The following CWC27 variants were observed in gnomAD, a reference collection of about 807,000 sequenced individuals.
The protein encoded by CWC27 is spliceosome-associated protein CWC27 homolog.
Under a neutral mutation model 63.6 loss-of-function variants are expected in CWC27, and 47 were observed. The ratio of observed to expected loss-of-function variants is 0.74; its 90% CI spans 0.58 to 0.94. The LOEUF is 0.94. Among genes scored for constraint, CWC27 ranks in the 40% least tolerant of loss-of-function variants. The pLI is 0.00. For synonymous variants in CWC27, 175 were observed against 179.8 expected (o/e 0.97, Z 0.22); for missense variants, 495 against 554.3 (o/e 0.89, Z 1.07).
chr5:64,784,100 AT>A, intron 4 of CWC27, 121 bp downstream of exon 4: 7 of 857,292 alleles, frequency 8.2e-6, no homozygotes, highest in Non-Finnish European at 1.2e-5. Context: ...ATTCCATAGG[AT>A]ATGTTTATTA....
chr5:65,017,724 T>C (rs984439204), intron 13 of CWC27, among the ~76,000 whole-genome samples: 1 of 152,208 alleles, frequency 6.6e-6, no homozygotes, highest in Admixed American at 6.5e-5. Flanking sequence ...TCTTGACCCA[T>C]GTAACTGTTG....
At chr5:64,799,768 T>C (rs1744422708) in intron 7 of CWC27, among the ~76,000 whole-genome samples, 2 of 152,020 alleles carry the variant, frequency 1.3e-5, no homozygotes, top group African/African-American at 4.8e-5. Flanking sequence ...GAGGCTCTTC[T>C]ATATCTTTTT....
At chr5:64,837,830 A>G (rs1745696381) in intron 10 of CWC27, among the ~76,000 whole-genome samples, 1 of 152,144 alleles carries the variant, frequency 6.6e-6, no homozygotes, top group Admixed American at 6.6e-5. Flanking sequence ...CTTTACTTTC[A>G]AAGTATTTTT....
intron 7 of CWC27, among the ~76,000 whole-genome samples, chr5:64,790,835 ATAT>A (rs1323031306): frequency 6.6e-6 from 1 of 152,182 alleles, no homozygotes; most frequent in Non-Finnish European, 1.5e-5. Context: ...TGCAATATAG[ATAT>A]TATTTTTCTT....
intron 10 of CWC27, among the ~76,000 whole-genome samples, chr5:64,880,201 T>C (rs1437417998): frequency 6.6e-6 from 1 of 152,008 alleles, no homozygotes; most frequent in African/African-American, 2.4e-5. Flanking sequence ...CTGCTTTTTA[T>C]TATGTACTGT....
In CWC27 at chr5:64,779,606, C is replaced by T. The variant is rs115350468; in HGVS notation, c.140-2315C>T. On this transcript the variant is annotated intron_variant, in intron 2 of 13. Coordinates refer to ENST00000381070, the MANE Select transcript of CWC27 (RefSeq NM_005869.4). Reference sequence around the variant, plus strand: ...TAGTATATTCACTATAATGTGCAGCCGGCACCTCTATGTAGTTCTAAAACA... The same window carrying T: ...TAGTATATTCACTATAATGTGCAGCTGGCACCTCTATGTAGTTCTAAAACA... Among the ~76,000 whole-genome samples the T allele has an allele frequency of 3.8e-3, 577 of 152,180 alleles. 3 individuals are homozygous for T. The highest frequency in any genetic ancestry group is 0.013 in the African/African-American group (547 of 41,526).
At chr5:64,853,894 CATT>C (rs1389951772) in intron 10 of CWC27, among the ~76,000 whole-genome samples, 1 of 152,216 alleles carries the variant, frequency 6.6e-6, no homozygotes, top group East Asian at 1.9e-4. Context: ...GGTATATTCA[CATT>C]GTTGTGCAAC....
chr5:64,979,538 T>A (rs1398180702), intron 13 of CWC27, among the ~76,000 whole-genome samples: 1 of 152,200 alleles, frequency 6.6e-6, no homozygotes, highest in Admixed American at 6.5e-5. Flanking sequence ...GTGATTTAGA[T>A]CCTCTCTCAT....
rs1208290476 is a variant in CWC27 at position 64,990,258 on chromosome 5, T to G, written c.1256+13020T>G. Among the ~76,000 whole-genome samples, 2 of 39,366 alleles carry G rather than the reference T, an allele frequency of 5.1e-5. 1 individual carries two copies. The highest frequency in any genetic ancestry group is 1.0e-4 in the Non-Finnish European group (2 of 19,248). 25.8% of individuals were successfully genotyped at this position (39,366 alleles called of 152,430 possible). On this transcript the variant is annotated intron_variant, in intron 13 of 13. Transcript: ENST00000381070. ...TTTATTTGTTTTTTTTTTGTTTTTT[T>G]TTTTTTTGTTTTTTTTTTTTTTTTG...
At chr5:64,774,539 A>G (rs1561398939) in intron 1 of CWC27, 152 bp from the exon 2 acceptor site, 1 of 442,390 alleles carries the variant, frequency 2.3e-6, no homozygotes, top group East Asian at 3.7e-5. Context: ...AATATTTGAC[A>G]TTTTGTTGAG....
intron 7 of CWC27, among the ~76,000 whole-genome samples, chr5:64,792,385 G>A (rs1744116190): frequency 6.6e-6 from 1 of 152,064 alleles, no homozygotes; most frequent in Admixed American, 6.6e-5. Flanking sequence ...TGCTCTATAT[G>A]TATGCCTTAT....
chr5:64,984,540 A>G (rs1749387222), intron 13 of CWC27, among the ~76,000 whole-genome samples: 1 of 152,326 alleles, frequency 6.6e-6, no homozygotes, highest in South Asian at 2.1e-4. Flanking sequence ...ACTTGTTACA[A>G]TGAGCAATCC....
At chr5:64,848,867 A>G (rs1746057266) in intron 10 of CWC27, among the ~76,000 whole-genome samples, 1 of 152,234 alleles carries the variant, frequency 6.6e-6, no homozygotes, top group Non-Finnish European at 1.5e-5. Flanking sequence ...AGAGAAGCCT[A>G]CAGCTAATAA....
chr5:64,834,830 A>G (rs1268844641), intron 10 of CWC27, among the ~76,000 whole-genome samples: 1 of 151,730 alleles, frequency 6.6e-6, no homozygotes, highest in African/African-American at 2.4e-5. Context: ...TCCAAAAGCA[A>G]GCTTTATATT....
intron 7 of CWC27, among the ~76,000 whole-genome samples, chr5:64,791,768 C>T (rs1019878402): frequency 2.6e-5 from 4 of 152,088 alleles, no homozygotes; most frequent in African/African-American, 9.7e-5. Context: ...AACTCACTAT[C>T]TTTTTCTTCT....
chr5:64,927,541 C>T (rs746406111), intron 11 of CWC27, among the ~76,000 whole-genome samples: 3 of 152,198 alleles, frequency 2.0e-5, no homozygotes, highest in Non-Finnish European at 2.9e-5. Flanking sequence ...TCTTTTGTCT[C>T]AGGGCAGGGT....
intron 10 of CWC27, among the ~76,000 whole-genome samples, chr5:64,824,969 T>A (rs1580645297): frequency 6.6e-6 from 1 of 151,940 alleles, no homozygotes; most frequent in East Asian, 1.9e-4. Context: ...CCTGACCTCA[T>A]GATCCACCCG....
At chr5:65,017,079 T>C (rs970183842) in intron 13 of CWC27, among the ~76,000 whole-genome samples, 5 of 152,096 alleles carry the variant, frequency 3.3e-5, no homozygotes, top group African/African-American at 1.2e-4. Context: ...CCCAGCACTT[T>C]GGGAGGCCGA....
intron 9 of CWC27, among the ~76,000 whole-genome samples, chr5:64,802,578 T>C (rs1481067703): frequency 6.6e-6 from 1 of 152,108 alleles, no homozygotes; most frequent in East Asian, 1.9e-4. Context: ...GAGCTTGATA[T>C]AAGACCACAG....
Sources: gnomAD v4.1 joint callset for allele counts (sites outside exome capture counted in the v4.1 genomes callset) on GRCh38, gnomAD v4.1.1 for gene constraint, MANE v1.5 for transcripts, NCBI Gene and HGNC (gene_info 2026-07-23, HGNC 2026-07-21) for gene names.